Variants in RAPGEF4 observed in about 807,000 individuals in gnomAD.
RAPGEF4 encodes Rap guanine nucleotide exchange factor 4.
Under a neutral mutation model 147.9 loss-of-function variants are expected in RAPGEF4, and 66 were observed. The ratio of observed to expected loss-of-function variants is 0.45; its 90% CI spans 0.37 to 0.55. The LOEUF is 0.55. Among genes scored for constraint, RAPGEF4 ranks in the 20% least tolerant of loss-of-function variants. RAPGEF4 has a pLI of 0.00. For missense variants in RAPGEF4, 1,071 were observed against 1,257.3 expected (o/e 0.85, Z 2.24); for synonymous variants, 419 against 442.7 (o/e 0.95, Z 0.67).
chr2:173,031,824 GT>G (rs921838352), intron 26 of RAPGEF4, among the ~76,000 whole-genome samples: 4 of 152,104 alleles, frequency 2.6e-5, no homozygotes, highest in African/African-American at 9.7e-5. Flanking sequence ...ATAAGCCTTT[GT>G]TTTTTAAGGT....
chr2:172,826,115 G>A (rs1379096775), intron 4 of RAPGEF4, among the ~76,000 whole-genome samples: 1 of 152,140 alleles, frequency 6.6e-6, no homozygotes, highest in African/African-American at 2.4e-5. Context: ...AGATCCCAGC[G>A]ATTTGACTGT....
rs181947777 is a variant in RAPGEF4, at chr2:172,781,550, A to G, written c.66-13475A>G. Among the ~76,000 whole-genome samples the G allele has an allele frequency of 9.6e-4, 146 of 152,342 alleles. 1 individual carries two copies. The highest frequency in any genetic ancestry group is 3.4e-3 in the African/African-American group (143 of 41,582). ...CTCCCAAAGTACTGGAATTACAGGT[A>G]TGAGCCACCATGCCAACAACAGGAC... On this transcript the variant is annotated intron_variant, in intron 1 of 30. Coordinates refer to ENST00000397081, the MANE Select transcript of RAPGEF4 (RefSeq NM_007023.4).
At position 172,985,946 on chromosome 2, in the gene RAPGEF4, TC is replaced by T. The variant is rs57424073; in HGVS notation, c.1150+455del. On this transcript the variant is annotated intron_variant, in intron 12 of 30. Transcript: ENST00000397081. ...TTCTTCTCTCACTTCCACTTTAAGCTCCAAGCTGGAGAGAATTTCTTTGCTT... is the reference window on the plus strand; with the variant it reads ...TTCTTCTCTCACTTCCACTTTAAGCTCAAGCTGGAGAGAATTTCTTTGCTT... Among the ~76,000 whole-genome samples the T allele has an allele frequency of 4.8e-3, 733 of 152,348 alleles. 6 individuals are homozygous for T. The highest frequency in any genetic ancestry group is 0.017 in the African/African-American group (709 of 41,582).
Position 172,912,503 on chromosome 2 carries a change from C to CT in RAPGEF4, c.445-5296dup, listed in dbSNP as rs1279267291. ...CACAGTTGGCCTCCTTACTCTGAGGCTTTGTTTTCCTGCCAATGCCCTATA... is the reference window on the plus strand; with the variant it reads ...CACAGTTGGCCTCCTTACTCTGAGGCTTTTGTTTTCCTGCCAATGCCCTATA... On this transcript the variant is annotated intron_variant, in intron 4 of 30. Coordinates refer to ENST00000397081, the MANE Select transcript of RAPGEF4 (RefSeq NM_007023.4). Among the ~76,000 whole-genome samples the CT allele has an allele frequency of 2.6e-5, 4 of 152,326 alleles. No individual in the cohort carries two copies. In the East Asian group the frequency reaches 7.7e-4, roughly 29 times the overall value.
intron 4 of RAPGEF4, among the ~76,000 whole-genome samples, chr2:172,892,491 A>C (rs530236998): frequency 6.6e-6 from 1 of 152,278 alleles, no homozygotes; most frequent in African/African-American, 2.4e-5. Flanking sequence ...ACTGTTTCCT[A>C]ACCCACAACA....
chr2:172,932,441 A>G (rs1207285308), intron 6 of RAPGEF4, among the ~76,000 whole-genome samples: 1 of 152,262 alleles, frequency 6.6e-6, no homozygotes, highest in Admixed American at 6.5e-5. Flanking sequence ...GAATGCATAC[A>G]GTGTATTAGA....
chr2:173,026,709 G>A lies in RAPGEF4; in HGVS notation c.2379+12G>A, dbSNP rs763614631. The A allele has an allele frequency of 1.2e-6, 2 of 1,613,156 alleles. No homozygotes were observed. Among genetic ancestry groups the A allele is most frequent in the East Asian group, 4.5e-5 (2 of 44,856 alleles). On this transcript the variant is annotated intron_variant, in intron 24 of 30. Coordinates refer to ENST00000397081, the MANE Select transcript of RAPGEF4 (RefSeq NM_007023.4). ...ACTGCGTGCATGAGGTAAGATGCAG[G>A]ATCAGATGTGTTAGTAGCTGAGATA...
chr2:173,002,535 T>G (rs1694032315), intron 17 of RAPGEF4, among the ~76,000 whole-genome samples: 1 of 152,148 alleles, frequency 6.6e-6, no homozygotes, highest in Admixed American at 6.5e-5. Context: ...GTTTTATTTT[T>G]AGAACAACAA....
At chr2:173,020,563 T>C (rs1695985919) in intron 22 of RAPGEF4, 55 bp from the exon 23 acceptor site, 2 of 1,391,730 alleles carry the variant, frequency 1.4e-6, no homozygotes, top group Non-Finnish European at 2.0e-6. Context: ...ATTAGGGCAG[T>C]GCAGCAAATC....
At chr2:172,953,060 C>A (rs747871284) in intron 6 of RAPGEF4, among the ~76,000 whole-genome samples, 3 of 152,058 alleles carry the variant, frequency 2.0e-5, no homozygotes, top group Non-Finnish European at 4.4e-5. Flanking sequence ...TACAGACTCA[C>A]CATGCAGTCT....
At chr2:173,029,272 A>G (rs1245307967) in intron 25 of RAPGEF4, among the ~76,000 whole-genome samples, 1 of 152,240 alleles carries the variant, frequency 6.6e-6, no homozygotes, top group Non-Finnish European at 1.5e-5. Flanking sequence ...TTTTTCAAAA[A>G]TGTTAATCCA....
At chr2:172,800,716 A>G (rs1233458270) in intron 3 of RAPGEF4, among the ~76,000 whole-genome samples, 1 of 152,166 alleles carries the variant, frequency 6.6e-6, no homozygotes, top group Non-Finnish European at 1.5e-5. Flanking sequence ...CTCAAGGGAA[A>G]CCTATTTGCT....
chr2:172,905,622 T>C (rs952757968), intron 4 of RAPGEF4, among the ~76,000 whole-genome samples: 2 of 152,226 alleles, frequency 1.3e-5, no homozygotes, highest in African/African-American at 2.4e-5. Context: ...AGTTGGGCTT[T>C]AGTCAGGGGC....
At chr2:172,865,150 G>A (rs928179680) in intron 4 of RAPGEF4, among the ~76,000 whole-genome samples, 4 of 152,066 alleles carry the variant, frequency 2.6e-5, no homozygotes, top group Non-Finnish European at 4.4e-5. Context: ...CACATCCATC[G>A]CCGCCAACCT....
intron 5 of RAPGEF4, among the ~76,000 whole-genome samples, chr2:172,921,263 GT>G (rs1456671728): frequency 6.6e-6 from 1 of 151,924 alleles, no homozygotes; most frequent in Non-Finnish European, 1.5e-5. Context: ...TGCCCAGCTA[GT>G]TTTTTGTGGA....
chr2:172,918,142 A>G (rs1404679775), intron 5 of RAPGEF4: 3 of 604,420 alleles, frequency 5.0e-6, no homozygotes, highest in South Asian at 1.7e-5. Context: ...AAATATCTTC[A>G]TCTTATAGTG....
intron 1 of RAPGEF4, among the ~76,000 whole-genome samples, chr2:172,778,447 C>G (rs1390528994): frequency 1.3e-5 from 2 of 152,040 alleles, no homozygotes; most frequent in Non-Finnish European, 2.9e-5. Flanking sequence ...TTAAGCACCC[C>G]CCTCCCCATT....
chr2:172,894,826 A>C (rs1441841729), intron 4 of RAPGEF4, among the ~76,000 whole-genome samples: 1 of 152,100 alleles, frequency 6.6e-6, no homozygotes, highest in Non-Finnish European at 1.5e-5. Flanking sequence ...ACCTTCTAAA[A>C]ACATTCATAC....
intron 9 of RAPGEF4, 168 bp from the exon 10 acceptor site, chr2:172,967,093 C>T: frequency 1.6e-6 from 1 of 637,474 alleles, no homozygotes; most frequent in South Asian, 2.0e-5. Flanking sequence ...GCCCCGAGGT[C>T]ATGTCTTCCA....
Sources: allele counts gnomAD v4.1 joint callset (sites outside exome capture counted in the v4.1 genomes callset), GRCh38; gene constraint gnomAD v4.1.1; transcripts MANE v1.5; gene names NCBI Gene and HGNC (gene_info 2026-07-23, HGNC 2026-07-21).